ABCC4: variants seen among roughly 807,000 people sequenced by gnomAD.
ABCC4 encodes ATP binding cassette subfamily C member 4 (PEL blood group).
In ABCC4, 102 loss-of-function variants were observed where a neutral mutation model predicts 168.5. That is an observed-to-expected ratio of 0.61 (90% CI 0.52 to 0.71). ABCC4 has a LOEUF of 0.71. Among genes scored for constraint, ABCC4 ranks in the 30% least tolerant of loss-of-function variants. The probability of loss-of-function intolerance (pLI) is 0.00; values close to 1 mark genes in which losing one functional copy is unlikely to be tolerated. For synonymous variants in ABCC4, 617 were observed against 590.7 expected (o/e 1.04, Z -0.65); for missense variants, 1,402 against 1,605.8 (o/e 0.87, Z 2.17).
chr13:95,201,636 A>C (rs1453557732), intron 8 of ABCC4, among the ~76,000 whole-genome samples: 7 of 152,318 alleles, frequency 4.6e-5, no homozygotes, highest in Admixed American at 4.6e-4. Context: ...AAATGAGGAC[A>C]AAGTCACGTA....
At chr13:95,088,291 T>C (rs982129247) in intron 20 of ABCC4, among the ~76,000 whole-genome samples, 1 of 152,174 alleles carries the variant, frequency 6.6e-6, no homozygotes, top group Admixed American at 6.5e-5. Flanking sequence ...AAAAGGCATA[T>C]AAAAGTGGAA....
At chr13:95,179,399 G>C (rs2037817277) in intron 11 of ABCC4, among the ~76,000 whole-genome samples, 1 of 152,176 alleles carries the variant, frequency 6.6e-6, no homozygotes, top group Non-Finnish European at 1.5e-5. Flanking sequence ...GCACTAAGTA[G>C]ACTCTGGCTC....
chr13:95,073,582 T>A, intron 23 of ABCC4: 2 of 257,402 alleles, frequency 7.8e-6, no homozygotes, highest in Non-Finnish European at 1.5e-5. Context: ...AATGTCATTA[T>A]TCAGACATTC....
intron 19 of ABCC4, among the ~76,000 whole-genome samples, chr13:95,127,633 G>C (rs2035828091): frequency 6.6e-6 from 1 of 152,092 alleles, no homozygotes; most frequent in Admixed American, 6.6e-5. Flanking sequence ...CTGCCCATCT[G>C]CTAAGCACAG....
intron 19 of ABCC4, among the ~76,000 whole-genome samples, chr13:95,150,905 T>C (rs1422051996): frequency 6.6e-6 from 1 of 152,222 alleles, no homozygotes; most frequent in Non-Finnish European, 1.5e-5. Context: ...GATTATGATC[T>C]GAAATAAAGA....
intron 3 of ABCC4, among the ~76,000 whole-genome samples, chr13:95,235,907 C>T (rs543296494): frequency 2.6e-5 from 4 of 152,282 alleles, no homozygotes; most frequent in African/African-American, 9.6e-5. Context: ...CTTTATCAGC[C>T]ATATTTTGAA....
chr13:95,101,614 C>G (rs1349544245), intron 20 of ABCC4, among the ~76,000 whole-genome samples: 1 of 152,122 alleles, frequency 6.6e-6, no homozygotes. Context: ...ATAACTCAGA[C>G]TCTACACTCA....
chr13:95,177,955 A>T (rs1278567646), intron 12 of ABCC4, 42 bp downstream of exon 12: 1 of 1,596,670 alleles, frequency 6.3e-7, no homozygotes, highest in Non-Finnish European at 8.6e-7. Flanking sequence ...ACTGGAAGGT[A>T]TCAAAAGACA....
At chr13:95,174,232 T>C (rs1179395923) in intron 13 of ABCC4, among the ~76,000 whole-genome samples, 3 of 152,222 alleles carry the variant, frequency 2.0e-5, no homozygotes, top group Admixed American at 1.3e-4. Flanking sequence ...GTTTGCAACA[T>C]ATAGTTGTAA....
intron 11 of ABCC4, among the ~76,000 whole-genome samples, chr13:95,180,809 G>A (rs2037865037): frequency 6.6e-6 from 1 of 152,160 alleles, no homozygotes; most frequent in Non-Finnish European, 1.5e-5. Context: ...TTCTAGAAAA[G>A]ACACTAAAAA....
At chr13:95,057,744 C>T (rs2033119515) in intron 26 of ABCC4, among the ~76,000 whole-genome samples, 1 of 152,200 alleles carries the variant, frequency 6.6e-6, no homozygotes. Context: ...AACTCGTGCT[C>T]CACACAACCC....
Position 95,247,659 on chromosome 13 carries a change from C to T in ABCC4, c.169G>A (p.Gly57Arg), listed in dbSNP as rs755618240. The change falls in exon 2 of 31, where the codon GGA (glycine) becomes AGA (arginine). Residue 57 changes from glycine (G) to arginine (R), a missense_variant. Gly to Arg is a moderately radical substitution (Grantham distance 125). Around this residue, in one of 3 missense-constraint regions of ABCC4, gnomAD observed 317 missense variants for 345.5 expected, o/e 0.92. Transcript: ENST00000645237. The part of the protein sequence containing the change: ...VLPEDRSQHL[G>R]EELQGFWDKE... ...CCGACTTACCCTTGCAACTCCTCTC[C>T]AAGGTGCTGTGAGCGGTCTTCTGGC... The T allele has an allele frequency of 6.2e-7, 1 of 1,613,800 alleles. No homozygotes were observed. The highest frequency in any genetic ancestry group is 8.5e-7 in the Non-Finnish European group (1 of 1,179,778).
chr13:95,042,354 C>T (rs1157670135), intron 29 of ABCC4, among the ~76,000 whole-genome samples: 2 of 152,178 alleles, frequency 1.3e-5, no homozygotes, highest in Non-Finnish European at 2.9e-5. Context: ...CTTCACTGCT[C>T]ACACCATAGT....
intron 1 of ABCC4, among the ~76,000 whole-genome samples, chr13:95,294,954 C>G (rs181790012): frequency 7.2e-5 from 11 of 152,072 alleles, no homozygotes; most frequent in African/African-American, 2.7e-4. Context: ...AACTCCATCT[C>G]AAAAATTAAA....
At chr13:95,224,963 C>T (rs932222707) in intron 4 of ABCC4, among the ~76,000 whole-genome samples, 5 of 151,928 alleles carry the variant, frequency 3.3e-5, no homozygotes, top group Non-Finnish European at 2.9e-5. Context: ...ATATTAAATA[C>T]AAATAAACCT....
chr13:95,107,250 T>C (rs1000371530), intron 20 of ABCC4, among the ~76,000 whole-genome samples: 1 of 151,982 alleles, frequency 6.6e-6, no homozygotes, highest in Non-Finnish European at 1.5e-5. Flanking sequence ...AGAGTGAAAC[T>C]CCTCTCAAAA....
intron 1 of ABCC4, among the ~76,000 whole-genome samples, chr13:95,259,489 G>C (rs138079821): frequency 3.0e-4 from 46 of 152,024 alleles, no homozygotes; most frequent in African/African-American, 1.0e-3. Context: ...TGGGGGTGTC[G>C]TCCCGTGCAC....
chr13:95,179,715 A>G (rs2037827585), intron 11 of ABCC4, among the ~76,000 whole-genome samples: 1 of 152,194 alleles, frequency 6.6e-6, no homozygotes, highest in Admixed American at 6.5e-5. Flanking sequence ...AACCTAGGAC[A>G]CTACAGAGAT....
At chr13:95,240,126 A>G (rs1474821174) in intron 3 of ABCC4, among the ~76,000 whole-genome samples, 1 of 152,222 alleles carries the variant, frequency 6.6e-6, no homozygotes, top group Non-Finnish European at 1.5e-5. Flanking sequence ...CCAGATGGAC[A>G]TGTTAAATGA....
Sources: allele counts gnomAD v4.1 joint callset (sites outside exome capture counted in the v4.1 genomes callset), GRCh38; gene constraint gnomAD v4.1.1; regional missense constraint gnomAD v4.1.1; transcripts MANE v1.5; gene names NCBI Gene and HGNC (gene_info 2026-07-23, HGNC 2026-07-21).